The following ZFAND2A variants were observed in gnomAD, a reference collection of about 807,000 sequenced individuals.
ZFAND2A encodes zinc finger AN1-type containing 2A.
In ZFAND2A, 20 loss-of-function variants were observed where a neutral mutation model predicts 11.6. The observed-to-expected ratio is 1.72, with a 90% CI of 1.21 to 2.50. ZFAND2A has a LOEUF of 2.50. ZFAND2A is among the 30% of genes most tolerant of loss of function. The probability of loss-of-function intolerance (pLI) is 0.00; values close to 1 mark genes in which losing one functional copy is unlikely to be tolerated. For missense variants in ZFAND2A, 234 were observed against 182.9 expected (o/e 1.28, Z -1.61); for synonymous variants, 93 against 60.6 (o/e 1.54, Z -2.48).
intron 4 of ZFAND2A, 54 bp from the exon 5 acceptor site, chr7:1,153,278 C>T (rs949406352): frequency 2.0e-5 from 31 of 1,581,030 alleles, no homozygotes; most frequent in South Asian, 4.6e-5. Flanking sequence ...GACAGGGTCT[C>T]GCTCTGTTGC....
chr7:1,148,976 T>G (rs1339958420), downstream of ZFAND2A, among the ~76,000 whole-genome samples: 7 of 151,850 alleles, frequency 4.6e-5, no homozygotes, highest in Non-Finnish European at 1.5e-5. Flanking sequence ...TATTTATTTT[T>G]TTTGAGAGAC....
rs201399100 is a variant in ZFAND2A, at chr7:1,158,209, C to G, written c.4G>C (p.Glu2Gln). The change falls in exon 2 of 5, where the codon GAG (glutamate) becomes CAG (glutamine). Residue 2 changes from glutamate (E) to glutamine (Q), a missense_variant. Glu to Gln is a conservative substitution (Grantham distance 29). Transcript: ENST00000316495. Reference sequence around the variant, plus strand: ...CAATGCTTCCCCAAATCAGGAAACTCCATTATGAGAACAGTGCTCAAAACG... The same window carrying G: ...CAATGCTTCCCCAAATCAGGAAACTGCATTATGAGAACAGTGCTCAAAACG... The part of the protein sequence containing the change: M[E>Q]FPDLGKHCSE... 5.3e-4 allele frequency: 849 copies of G among 1,614,054 alleles called. 2 individuals are homozygous for G. The highest frequency in any genetic ancestry group is 6.9e-4 in the Non-Finnish European group (816 of 1,179,974).
intron 4 of ZFAND2A, among the ~76,000 whole-genome samples, chr7:1,154,672 C>T (rs770121092): frequency 2.0e-5 from 3 of 152,206 alleles, no homozygotes; most frequent in African/African-American, 4.8e-5. Flanking sequence ...CTAAGGAACA[C>T]TGATTTTATT....
chr7:1,156,714 C>T (rs907968053), intron 3 of ZFAND2A, among the ~76,000 whole-genome samples: 1 of 152,224 alleles, frequency 6.6e-6, no homozygotes, highest in African/African-American at 2.4e-5. Flanking sequence ...GGCAGGTGCT[C>T]ACGGAATTAT....
chr7:1,157,364 A>T (rs770632807), intron 3 of ZFAND2A: 13 of 238,390 alleles, frequency 5.5e-5, no homozygotes, highest in Non-Finnish European at 1.1e-4. Flanking sequence ...GTATTTGAAC[A>T]TCTAAAGTAA....
Position 1,157,754 on chromosome 7 carries a change from A to G in ZFAND2A, c.56-4T>C, listed in dbSNP as rs116823198. On this transcript the variant is annotated splice_region_variant and splice_polypyrimidine_tract_variant and intron_variant, in intron 2 of 4. Coordinates refer to ENST00000316495, the MANE Select transcript of ZFAND2A (RefSeq NM_182491.4). Reference sequence around the variant, plus strand: ...TCACATTTTACTGGAAGAAAATCTAAAAAACAAAAAACAGGGAAGTGTTTT... The same window carrying G: ...TCACATTTTACTGGAAGAAAATCTAGAAAACAAAAAACAGGGAAGTGTTTT... The G allele has an allele frequency of 5.7e-4, 879 of 1,543,828 alleles. 4 individuals are homozygous for G. The African/African-American group carries it at 0.011, about 20-fold the overall frequency.
downstream of ZFAND2A, chr7:1,152,308 C>T: frequency 6.3e-7 from 1 of 1,583,190 alleles, no homozygotes; most frequent in South Asian, 1.2e-5. Context: ...GGAAATCTCC[C>T]AACGGCCTGG....
Position 1,158,191 on chromosome 7 carries a change from T to TCC in ZFAND2A, c.20_21dup (p.Lys8GlyfsTer12). The TCC allele has an allele frequency of 6.2e-7, 1 of 1,614,114 alleles. No homozygotes were observed. Among genetic ancestry groups the TCC allele is most frequent in the South Asian group, 1.1e-5 (1 of 91,070 alleles). ...TTGCAAGTCTTTTCTGAACAATGCT[T>TCC]CCCCAAATCAGGAAACTCCATTATG... On this transcript the variant is annotated frameshift_variant, in exon 2 of 5. Transcript: ENST00000316495. LOFTEE classifies it high-confidence loss of function.
At chr7:1,157,568 C>T (rs769594518) in intron 3 of ZFAND2A, 88 bp downstream of exon 3, 55 of 1,263,310 alleles carry the variant, frequency 4.4e-5, no homozygotes, top group Non-Finnish European at 6.1e-5. Context: ...AATGAGTTAG[C>T]CATACGTCGC....
chr7:1,152,900 A>T (rs1389535208), downstream of ZFAND2A: 2 of 1,032,566 alleles, frequency 1.9e-6, no homozygotes, highest in South Asian at 2.7e-5. Context: ...AATGAGAACA[A>T]CTAGAATCAA....
chr7:1,155,973 C>A (rs947036608), intron 3 of ZFAND2A, among the ~76,000 whole-genome samples: 1 of 152,242 alleles, frequency 6.6e-6, no homozygotes, highest in Non-Finnish European at 1.5e-5. Flanking sequence ...GATCCCTTTG[C>A]GGTTTCCCCA....
intron 1 of ZFAND2A, among the ~76,000 whole-genome samples, chr7:1,159,263 T>G (rs1285764073): frequency 6.6e-6 from 1 of 152,188 alleles, no homozygotes; most frequent in African/African-American, 2.4e-5. Flanking sequence ...GAGTTTGATG[T>G]GAATCCCCAA....
downstream of ZFAND2A, among the ~76,000 whole-genome samples, chr7:1,150,280 A>G (rs777795743): frequency 2.6e-5 from 4 of 152,136 alleles, no homozygotes; most frequent in Non-Finnish European, 5.9e-5. Flanking sequence ...GAACGCCAAC[A>G]GAATACAAAC....
intron 1 of ZFAND2A, among the ~76,000 whole-genome samples, chr7:1,158,530 A>C (rs1228305158): frequency 2.0e-5 from 3 of 152,234 alleles, no homozygotes; most frequent in African/African-American, 4.8e-5. Flanking sequence ...GAGCTAATTC[A>C]CACAGCTGCC....
At chr7:1,151,912 G>A (rs1023039844), downstream of ZFAND2A, among the ~76,000 whole-genome samples, 1 of 152,066 alleles carries the variant, frequency 6.6e-6, no homozygotes, top group Non-Finnish European at 1.5e-5. Context: ...GTGCAAACGG[G>A]AAGGACCTCA....
chr7:1,148,962 T>G (rs1234150583), downstream of ZFAND2A, among the ~76,000 whole-genome samples: 1 of 151,374 alleles, frequency 6.6e-6, no homozygotes, highest in Admixed American at 6.6e-5. Flanking sequence ...ACCATCTGTC[T>G]GGCTATTTAT....
At chr7:1,151,044 C>T (rs1197909590), downstream of ZFAND2A, among the ~76,000 whole-genome samples, 1 of 152,210 alleles carries the variant, frequency 6.6e-6, no homozygotes, top group East Asian at 1.9e-4. Flanking sequence ...TGTACCACCA[C>T]CACACCTGGC....
downstream of ZFAND2A, chr7:1,152,132 A>T (rs1793409997): frequency 7.5e-7 from 1 of 1,331,420 alleles, no homozygotes; most frequent in African/African-American, 1.5e-5. Flanking sequence ...ATCCTGACGA[A>T]GTCGCACCAC....
At position 1,159,980 on chromosome 7, in the gene ZFAND2A, A is replaced by T. The variant is rs1562349261; in HGVS notation, c.-62T>A. 1 of 160,056 alleles carries T rather than the reference A, an allele frequency of 6.2e-6. No homozygotes were observed. Among genetic ancestry groups the T allele is most frequent in the Non-Finnish European group, 1.4e-5 (1 of 72,090 alleles). 9.9% of individuals were successfully genotyped at this position (160,056 alleles called of 1,614,324 possible). On this transcript the variant is annotated 5_prime_UTR_variant, in exon 1 of 5. Transcript: ENST00000316495. The stretch of plus-strand genomic sequence containing the variant: ...GCCCCGTACCTGGCTCTCGTCGGGG[A>T]CCCAGGCAGCTGAGGTGAGCAGCAG...
Sources: allele counts gnomAD v4.1 joint callset (sites outside exome capture counted in the v4.1 genomes callset), GRCh38; gene constraint gnomAD v4.1.1; transcripts MANE v1.5; gene names NCBI Gene and HGNC (gene_info 2026-07-23, HGNC 2026-07-21).